CLIC5: variants seen among roughly 807,000 people sequenced by gnomAD.
CLIC5 encodes the protein chloride intracellular channel protein 5.
Under a neutral mutation model 24.7 loss-of-function variants are expected in CLIC5, and 20 were observed. The observed-to-expected ratio is 0.81, with a 90% CI of 0.57 to 1.18. The LOEUF (loss-of-function observed/expected upper bound fraction) is 1.18. Among genes scored for constraint, CLIC5 ranks in the 50% most tolerant of loss-of-function variants. CLIC5 has a pLI of 0.00. For synonymous variants in CLIC5, 159 were observed against 135.6 expected (o/e 1.17, Z -1.20); for missense variants, 341 against 326.1 (o/e 1.05, Z -0.35).
chr6:45,958,433 T>TATATATATATATACACACACACACACAC (rs1561964416), intron 1 of CLIC5, among the ~76,000 whole-genome samples: 1 of 4,766 alleles, frequency 2.1e-4, no homozygotes, highest in Non-Finnish European at 1.1e-3. Flanking sequence ...TATATATATA[T>TATATATATATATACACACACACACACAC]ATATATATAT....
chr6:45,956,129 C>T (rs1581788810), intron 1 of CLIC5, among the ~76,000 whole-genome samples: 1 of 152,258 alleles, frequency 6.6e-6, no homozygotes, highest in Non-Finnish European at 1.5e-5. Flanking sequence ...GTCTGAAAAG[C>T]AAGTCCATCT....
At chr6:45,932,800 T>G (rs926229318) in intron 4 of CLIC5, 1 of 152,270 alleles carries the variant, frequency 6.6e-6, no homozygotes, top group East Asian at 1.9e-4. Context: ...GATTCGGGCC[T>G]GAATGGAACA....
the CLIC5 span, among the ~76,000 whole-genome samples, chr6:46,103,141 T>C: frequency 6.6e-6 from 1 of 152,196 alleles, no homozygotes; most frequent in Non-Finnish European, 1.5e-5. Flanking sequence ...GATTAACTAA[T>C]TTGCCTATAG....
At chr6:46,118,138 C>T in the CLIC5 span, among the ~76,000 whole-genome samples, 2 of 152,244 alleles carry the variant, frequency 1.3e-5, no homozygotes, top group African/African-American at 4.8e-5. Flanking sequence ...CTTCTTCTTA[C>T]AGCTCTTGCT....
At chr6:46,108,320 C>CA in the CLIC5 span, among the ~76,000 whole-genome samples, 17 of 144,022 alleles carry the variant, frequency 1.2e-4, no homozygotes, top group Non-Finnish European at 2.1e-4. Flanking sequence ...ATATAAACTG[C>CA]AAAAAAAAAG....
At chr6:46,086,073 G>T in the CLIC5 span, among the ~76,000 whole-genome samples, 1 of 152,232 alleles carries the variant, frequency 6.6e-6, no homozygotes, top group Non-Finnish European at 1.5e-5. Context: ...ACCTCCTGGT[G>T]CGCCGTTTTT....
chr6:46,008,978 A>G (rs1766701354), intron 1 of CLIC5, among the ~76,000 whole-genome samples: 1 of 152,024 alleles, frequency 6.6e-6, no homozygotes, highest in African/African-American at 2.4e-5. Flanking sequence ...CTTCAGAATC[A>G]CCAGTGGGTA....
At chr6:46,062,023 G>T (rs1240621361) in intron 1 of CLIC5, among the ~76,000 whole-genome samples, 2 of 152,186 alleles carry the variant, frequency 1.3e-5, no homozygotes, top group African/African-American at 4.8e-5. Context: ...CAACACAGTG[G>T]CCATTAGCCA....
intron 4 of CLIC5, chr6:45,937,579 A>G (rs1377701611): frequency 6.6e-6 from 1 of 152,260 alleles, no homozygotes; most frequent in Non-Finnish European, 1.5e-5. Context: ...TTGTTAGTTC[A>G]TGGAGGGCAA....
chr6:45,885,364 G>A (rs1174788209), intron 6 of CLIC5, among the ~76,000 whole-genome samples: 2 of 152,148 alleles, frequency 1.3e-5, no homozygotes, highest in Admixed American at 6.5e-5. Context: ...CCAGAACTGT[G>A]AGAAATAAAT....
chr6:45,882,900 G>C (rs1178098687), intron 6 of CLIC5, among the ~76,000 whole-genome samples: 1 of 152,188 alleles, frequency 6.6e-6, no homozygotes, highest in Non-Finnish European at 1.5e-5. Flanking sequence ...GACTAGAAGA[G>C]TATTGAAAAG....
chr6:46,000,346 A>C (rs1030017499), intron 1 of CLIC5, among the ~76,000 whole-genome samples: 1 of 152,178 alleles, frequency 6.6e-6, no homozygotes, highest in African/African-American at 2.4e-5. Context: ...ATGATGGTGC[A>C]CATGCTCCTT....
rs191490556 is a variant in CLIC5, at chr6:46,037,911, G to A, written c.540+41792C>T. 2.9e-3 allele frequency among the ~76,000 whole-genome samples: 436 copies of A among 152,246 alleles called. 1 individual carries two copies. The highest frequency in any genetic ancestry group is 9.1e-3 in the African/African-American group (378 of 41,552). On this transcript the variant is annotated intron_variant, in intron 1 of 5. Coordinates refer to the CLIC5 transcript ENST00000185206. ...TCACCAAAAGACATTTTGCTGTGTG[G>A]GTGGAAGATAATACAATTACATTGA... is the stretch of plus-strand genomic sequence containing the variant.
Position 45,901,629 on chromosome 6 carries a change from A to G in CLIC5, c.*1459T>C, listed in dbSNP as rs1762514314. The G allele has an allele frequency of 6.6e-6, 1 of 152,318 alleles. No individual in the cohort carries two copies. Among genetic ancestry groups the G allele is most frequent in the East Asian group, 1.9e-4 (1 of 5,190 alleles). The allele number at this position is 152,318 out of a possible 1,614,324, so 9.4% of individuals were successfully genotyped here. The stretch of plus-strand genomic sequence containing the variant: ...AAATGGATTTTCTCACCGGGCGTTC[A>G]CTGGGAGAAGGAGTTGATGAGTGCA... On this transcript the variant is annotated 3_prime_UTR_variant, in exon 6 of 6. Coordinates refer to ENST00000339561, the MANE Select transcript of CLIC5 (RefSeq NM_016929.5).
At chr6:46,016,989 G>T (rs115614594), upstream of CLIC5, among the ~76,000 whole-genome samples, 2 of 152,122 alleles carry the variant, frequency 1.3e-5, no homozygotes, top group Non-Finnish European at 2.9e-5. Flanking sequence ...ACTCTGTCAC[G>T]AACATTCTCT....
chr6:45,896,017 A>C (rs1762390078), downstream of CLIC5, among the ~76,000 whole-genome samples: 1 of 152,176 alleles, frequency 6.6e-6, no homozygotes, highest in African/African-American at 2.4e-5. Flanking sequence ...AATCTTCCCA[A>C]ATTTTGAGTA....
chr6:45,979,951 C>CTTTTTTTT lies in CLIC5; in HGVS notation c.64-24715_64-24708dup, dbSNP rs3997321. On this transcript the variant is annotated intron_variant, in intron 1 of 5. Coordinates refer to ENST00000339561, the MANE Select transcript of CLIC5 (RefSeq NM_016929.5). ...GCAATTGCTTTTGGAGACTTAGTCA[C>CTTTTTTTT]TTTTTTTTTTTTTTTTTTTGCCAAG... Among the ~76,000 whole-genome samples, 86 of 95,036 alleles carry CTTTTTTTT rather than the reference C, an allele frequency of 9.0e-4. 1 individual carries two copies. Among genetic ancestry groups the CTTTTTTTT allele is most frequent in the Non-Finnish European group, 1.3e-3 (63 of 50,016 alleles). The allele number at this position is 95,036 out of a possible 152,430, so 62.3% of individuals were successfully genotyped here.
chr6:46,078,401 T>C (rs2127478402), intron 1 of CLIC5, among the ~76,000 whole-genome samples: 1 of 152,026 alleles, frequency 6.6e-6, no homozygotes, highest in Non-Finnish European at 1.5e-5. Flanking sequence ...AGTGTGACAG[T>C]GATGATGTGG....
chr6:46,070,920 C>T (rs1006657069), intron 1 of CLIC5, among the ~76,000 whole-genome samples: 5 of 152,004 alleles, frequency 3.3e-5, no homozygotes, highest in Admixed American at 2.0e-4. Flanking sequence ...AAAATACGGC[C>T]GCACACCTAT....
Sources: gnomAD v4.1 joint callset for allele counts (sites outside exome capture counted in the v4.1 genomes callset) on GRCh38, gnomAD v4.1.1 for gene constraint, MANE v1.5 for transcripts, NCBI Gene and HGNC (gene_info 2026-07-23, HGNC 2026-07-21) for gene names.